Variants in PPP2R2B observed in about 807,000 individuals in gnomAD.
The protein encoded by PPP2R2B is serine/threonine-protein phosphatase 2A 55 kDa regulatory subunit B beta isoform.
A neutral mutation model predicts 46.0 loss-of-function variants in PPP2R2B; 5 were observed. The observed-to-expected ratio is 0.11, with a 90% CI of 0.06 to 0.23. PPP2R2B has a LOEUF of 0.23. PPP2R2B is among the 10% of genes least tolerant of loss of function. The pLI is 1.00. For synonymous variants in PPP2R2B, 215 were observed against 206.7 expected (o/e 1.04, Z -0.34); for missense variants, 367 against 575.0 (o/e 0.64, Z 3.70).
At chr5:146,630,802 G>A (rs966949846) in intron 7 of PPP2R2B, among the ~76,000 whole-genome samples, 1 of 152,132 alleles carries the variant, frequency 6.6e-6, no homozygotes, top group East Asian at 1.9e-4. Flanking sequence ...ACCATAACAC[G>A]ATGCTTATAC....
chr5:146,872,028 C>T (rs144814849), intron 2 of PPP2R2B, among the ~76,000 whole-genome samples: 98 of 152,178 alleles, frequency 6.4e-4, no homozygotes, highest in African/African-American at 2.3e-3. Context: ...GAAATTGGAC[C>T]CCTATTTCTT....
intron 2 of PPP2R2B, among the ~76,000 whole-genome samples, chr5:147,069,975 G>C (rs1383854937): frequency 6.6e-6 from 1 of 151,650 alleles, no homozygotes; most frequent in Non-Finnish European, 1.5e-5. Flanking sequence ...ATTTTTAGTA[G>C]AGACAGAGTT....
chr5:146,657,344 C>T (rs1468911956), intron 5 of PPP2R2B, among the ~76,000 whole-genome samples: 1 of 151,922 alleles, frequency 6.6e-6, no homozygotes, highest in African/African-American at 2.4e-5. Context: ...AAGAGATGGC[C>T]AGATAGGAGA....
chr5:146,861,047 ATTTTTTCTTT>A lies in PPP2R2B; in HGVS notation c.70+16945_70+16954del, dbSNP rs1457690333. Among the ~76,000 whole-genome samples the A allele has an allele frequency of 3.6e-3, 477 of 132,190 alleles. 9 individuals are homozygous for A. The highest frequency in any genetic ancestry group is 9.9e-3 in the African/African-American group (334 of 33,676). The allele number at this position is 132,190 out of a possible 152,430, so 86.7% of individuals were successfully genotyped here. A position where few individuals can be genotyped will look rare whatever the true frequency, so the allele number is the denominator to read the frequency against. ...ACTCCTCTTCCAGCATTCAAACTGAATTTTTTCTTTTTTTTTTTTTTTTTTTTGAGACTGA... is the reference window on the plus strand; with the variant it reads ...ACTCCTCTTCCAGCATTCAAACTGAATTTTTTTTTTTTTTTTTGAGACTGA... On this transcript the variant is annotated intron_variant, in intron 2 of 9. Transcript: ENST00000394411.
chr5:146,711,575 G>T (rs1443712440), intron 2 of PPP2R2B, among the ~76,000 whole-genome samples: 1 of 152,156 alleles, frequency 6.6e-6, no homozygotes, highest in Non-Finnish European at 1.5e-5. Flanking sequence ...CAGATGGGTT[G>T]GGGGAGAGAG....
At chr5:147,008,534 G>C (rs564400532) in intron 1 of PPP2R2B, among the ~76,000 whole-genome samples, 3 of 152,212 alleles carry the variant, frequency 2.0e-5, no homozygotes, top group African/African-American at 7.2e-5. Context: ...CATACTCTGT[G>C]AACCTACTCC....
intron 1 of PPP2R2B, among the ~76,000 whole-genome samples, chr5:147,003,393 C>T (rs1754280805): frequency 6.6e-6 from 1 of 152,102 alleles, no homozygotes; most frequent in Non-Finnish European, 1.5e-5. Flanking sequence ...TCCCTTCTCT[C>T]TCTTTAATTT....
At chr5:146,670,476 A>ATTAATTAT (rs370291939) in intron 5 of PPP2R2B, among the ~76,000 whole-genome samples, 1 of 144,184 alleles carries the variant, frequency 6.9e-6, no homozygotes, top group Non-Finnish European at 1.5e-5. Flanking sequence ...TATGTGTACT[A>ATTAATTAT]TTATTTATTT....
intron 2 of PPP2R2B, among the ~76,000 whole-genome samples, chr5:146,738,586 T>C (rs1366658260): frequency 1.3e-5 from 2 of 152,100 alleles, no homozygotes; most frequent in East Asian, 3.9e-4. Context: ...CCCCAAAGTA[T>C]TTTGCACAGT....
intron 2 of PPP2R2B, among the ~76,000 whole-genome samples, chr5:146,781,130 T>TTATATATATATATA (rs1172319293): frequency 1.0e-4 from 3 of 30,014 alleles, no homozygotes; most frequent in Non-Finnish European, 2.1e-4. Flanking sequence ...AATGCCACCA[T>TTATATATATATATA]GATATATATA....
At chr5:146,675,705 G>A (rs937512489) in intron 5 of PPP2R2B, among the ~76,000 whole-genome samples, 15 of 152,220 alleles carry the variant, frequency 9.9e-5, no homozygotes, top group South Asian at 2.1e-4. Flanking sequence ...TGTCTTTGTC[G>A]TTCCTCTGGG....
At chr5:146,921,229 CA>C (rs1214806471) in intron 1 of PPP2R2B, among the ~76,000 whole-genome samples, 3 of 152,152 alleles carry the variant, frequency 2.0e-5, no homozygotes, top group African/African-American at 7.2e-5. Flanking sequence ...TATTAATGTT[CA>C]CATAGTAATT....
Position 146,838,618 on chromosome 5 carries a change from CAG to C in PPP2R2B, c.70+39382_70+39383del, listed in dbSNP as rs1759440260. ...AGAAGGAAGGGAGAGAAGAATGGGA[CAG>C]AGTTACATAATGGGAAGGAAAGCAT... is the stretch of plus-strand genomic sequence containing the variant. On this transcript the variant is annotated intron_variant, in intron 2 of 9. Transcript: ENST00000394411. Among the ~76,000 whole-genome samples the C allele has an allele frequency of 2.7e-5, 4 of 149,326 alleles. No homozygotes were observed. In the South Asian group the frequency reaches 8.7e-4, roughly 32 times the overall value.
intron 1 of PPP2R2B, among the ~76,000 whole-genome samples, chr5:146,907,556 G>A (rs640656): frequency 0.5 from 76,319 of 152,030 alleles, 21,597 homozygotes; most frequent in African/African-American, 0.75. Context: ...AGGGCTAAGG[G>A]CAGGTGTACC....
chr5:147,054,350 C>A (rs573516989), intron 1 of PPP2R2B, among the ~76,000 whole-genome samples: 17 of 152,184 alleles, frequency 1.1e-4, no homozygotes, highest in African/African-American at 3.9e-4. Context: ...TTAGTCCATG[C>A]CATTTTTTCA....
chr5:146,604,632 T>C (rs1772089352), intron 7 of PPP2R2B, among the ~76,000 whole-genome samples: 1 of 152,184 alleles, frequency 6.6e-6, no homozygotes, highest in Non-Finnish European at 1.5e-5. Flanking sequence ...ACAACAATAA[T>C]GACATTTGCT....
chr5:146,907,332 G>A (rs934899745), intron 1 of PPP2R2B, among the ~76,000 whole-genome samples: 1 of 152,158 alleles, frequency 6.6e-6, no homozygotes, highest in African/African-American at 2.4e-5. Context: ...TTTTCCTGAA[G>A]CTCAGCTCAA....
intron 2 of PPP2R2B, 101 bp downstream of exon 2, chr5:146,877,901 C>G (rs1332893389): frequency 6.0e-5 from 83 of 1,385,546 alleles, no homozygotes; most frequent in Non-Finnish European, 7.8e-5. Flanking sequence ...CCCTAGGGCC[C>G]GGAGGAGTCT....
intron 2 of PPP2R2B, among the ~76,000 whole-genome samples, chr5:146,715,110 G>C (rs1780421261): frequency 6.6e-6 from 1 of 152,120 alleles, no homozygotes; most frequent in Admixed American, 6.5e-5. Context: ...GTCTGTCAGA[G>C]TGGGGAAAAA....
Sources: gnomAD v4.1 joint callset for allele counts (sites outside exome capture counted in the v4.1 genomes callset) on GRCh38, gnomAD v4.1.1 for gene constraint, MANE v1.5 for transcripts, NCBI Gene and HGNC (gene_info 2026-07-23, HGNC 2026-07-21) for gene names.